KAZN: variants seen among roughly 807,000 people sequenced by gnomAD.
KAZN encodes kazrin, periplakin interacting protein.
KAZN carries 40 observed loss-of-function variants against 87.4 expected under a neutral mutation model. That is an observed-to-expected ratio of 0.46 (90% CI 0.36 to 0.60). The LOEUF (loss-of-function observed/expected upper bound fraction) is 0.60, where lower values mean the gene tolerates loss of function less well. Among genes scored for constraint, KAZN ranks in the 20% least tolerant of loss-of-function variants. The pLI, the probability that KAZN is intolerant of heterozygous loss-of-function variation, is 0.00. For synonymous variants in KAZN, 466 were observed against 458.3 expected (o/e 1.02, Z -0.22); for missense variants, 898 against 1,073.9 (o/e 0.84, Z 2.29).
intron 1 of KAZN, among the ~76,000 whole-genome samples, chr1:14,807,226 A>T (rs576791171): frequency 7.4e-4 from 113 of 152,326 alleles, no homozygotes; most frequent in African/African-American, 2.7e-3. Flanking sequence ...GGCAGAGGAC[A>T]TTAGGTTCTG....
At chr1:14,629,596 T>G (rs1405205760) in intron 1 of KAZN, among the ~76,000 whole-genome samples, 1 of 152,222 alleles carries the variant, frequency 6.6e-6, no homozygotes, top group Non-Finnish European at 1.5e-5. Context: ...CTTCCTCTTC[T>G]GGTCCAAAGA....
intron 4 of KAZN, among the ~76,000 whole-genome samples, chr1:15,044,743 A>AG (rs397958863): frequency 5.3e-5 from 8 of 150,972 alleles, no homozygotes; most frequent in Admixed American, 6.6e-5. Flanking sequence ...AAAAAAAAAA[A>AG]GGAAAGGAAA....
chr1:14,959,554 A>C (rs1663586414), intron 1 of KAZN, among the ~76,000 whole-genome samples: 1 of 152,066 alleles, frequency 6.6e-6, no homozygotes, highest in Non-Finnish European at 1.5e-5. Flanking sequence ...CGGCCCGGTG[A>C]CCAGCATGCG....
intron 2 of KAZN, among the ~76,000 whole-genome samples, chr1:14,537,304 C>T (rs1450811629): frequency 6.6e-6 from 1 of 152,190 alleles, no homozygotes; most frequent in Non-Finnish European, 1.5e-5. Context: ...ATGATGGAAA[C>T]GTTCTACATC....
At chr1:14,974,769 G>A (rs1557676627) in intron 2 of KAZN, among the ~76,000 whole-genome samples, 1 of 152,252 alleles carries the variant, frequency 6.6e-6, no homozygotes, top group South Asian at 2.1e-4. Context: ...TAATCTACAG[G>A]GACAGAAAGC....
chr1:14,004,127 C>T (rs116788907), intron 1 of KAZN, among the ~76,000 whole-genome samples: 1 of 150,306 alleles, frequency 6.7e-6, no homozygotes, highest in Non-Finnish European at 1.5e-5. Context: ...AAATGTCCAA[C>T]GTCATTAGAA....
chr1:13,948,579 T>G (rs1641230823), intron 1 of KAZN, among the ~76,000 whole-genome samples: 1 of 152,132 alleles, frequency 6.6e-6, no homozygotes, highest in Non-Finnish European at 1.5e-5. Flanking sequence ...ACATCTGGTG[T>G]GGGGAAAGGG....
chr1:13,936,973 TG>T (rs1394751909), intron 1 of KAZN, among the ~76,000 whole-genome samples: 1 of 151,936 alleles, frequency 6.6e-6, no homozygotes, highest in Non-Finnish European at 1.5e-5. Context: ...AGCATTTTTA[TG>T]TATGTTTTTT....
intron 1 of KAZN, among the ~76,000 whole-genome samples, chr1:14,845,369 A>G (rs1648610880): frequency 6.9e-6 from 1 of 144,076 alleles, no homozygotes; most frequent in African/African-American, 2.6e-5. Flanking sequence ...GAGTGGATGG[A>G]TGGATGGATG....
chr1:14,021,953 CT>C (rs141959214), intron 1 of KAZN, among the ~76,000 whole-genome samples: 5,808 of 113,968 alleles, frequency 0.051, 92 homozygotes, highest in Non-Finnish European at 0.064. Context: ...AATGAACATG[CT>C]TTTTTTTTTT....
chr1:14,440,212 A>C (rs1223999690), intron 2 of KAZN, among the ~76,000 whole-genome samples: 2 of 152,228 alleles, frequency 1.3e-5, no homozygotes, highest in African/African-American at 4.8e-5. Flanking sequence ...ACTAATGACC[A>C]TGACTTTGAC....
At chr1:14,573,245 T>C (rs1571961249) in intron 2 of KAZN, among the ~76,000 whole-genome samples, 1 of 152,206 alleles carries the variant, frequency 6.6e-6, no homozygotes, top group African/African-American at 2.4e-5. Flanking sequence ...CAATAATGCA[T>C]AGCGCACTCA....
At chr1:13,901,789 A>T (rs1263539961) in intron 1 of KAZN, among the ~76,000 whole-genome samples, 1 of 152,258 alleles carries the variant, frequency 6.6e-6, no homozygotes, top group Non-Finnish European at 1.5e-5. Context: ...GAGTTCTGCC[A>T]CGTGTGAACA....
chr1:14,434,733 A>T lies in KAZN; in HGVS notation c.250-164250A>T, dbSNP rs143777609. ...AGGGTGCAGCTCAGGCATGACAGGA[A>T]CATGTGCTGGGACCCCAGCCCAGGA... On this transcript the variant is annotated intron_variant, in intron 2 of 16. Transcript: ENST00000636203. Among the ~76,000 whole-genome samples the T allele has an allele frequency of 5.5e-3, 843 of 152,046 alleles. 5 individuals carry two copies. The highest frequency in any genetic ancestry group is 9.3e-3 in the Non-Finnish European group (634 of 67,980).
chr1:14,729,531 A>T (rs56983246), intron 1 of KAZN, among the ~76,000 whole-genome samples: 20,605 of 152,120 alleles, frequency 0.14, 1,444 homozygotes, highest in Non-Finnish European at 0.15. Context: ...AATGCAAGGG[A>T]AGAGCAGGGA....
At chr1:14,173,043 C>G (rs1645989640) in intron 1 of KAZN, among the ~76,000 whole-genome samples, 1 of 152,154 alleles carries the variant, frequency 6.6e-6, no homozygotes, top group South Asian at 2.1e-4. Flanking sequence ...TCCCAGGGCA[C>G]CACTTCTGCC....
rs35065469 is a variant in KAZN, at chr1:14,867,724, A to ATTCCC, written c.227-92960_227-92959insTTCCC. On this transcript the variant is annotated intron_variant, in intron 1 of 14. Coordinates refer to ENST00000376030, the MANE Select transcript of KAZN (RefSeq NM_201628.3). The stretch of plus-strand genomic sequence containing the variant: ...TGCTTTACTCGGTGTCTTTGAAGAC[A>ATTCCC]CCCCCCCCCCCACCCTGGGCATGGA... Among the ~76,000 whole-genome samples, 11 of 107,456 alleles carry ATTCCC rather than the reference A, an allele frequency of 1.0e-4. No individual in the cohort carries two copies. In the East Asian group the frequency reaches 2.9e-3, roughly 28 times the overall value. 70.5% of individuals were successfully genotyped at this position (107,456 alleles called of 152,430 possible).
chr1:13,944,029 C>T (rs1024253982), intron 1 of KAZN, among the ~76,000 whole-genome samples: 1 of 152,088 alleles, frequency 6.6e-6, no homozygotes, highest in African/African-American at 2.4e-5. Flanking sequence ...GGCTATCTAC[C>T]CAAGAGGAAT....
At chr1:14,138,872 AC>A (rs2101758340) in intron 1 of KAZN, among the ~76,000 whole-genome samples, 2 of 33,034 alleles carry the variant, frequency 6.1e-5, no homozygotes, top group South Asian at 1.8e-3. Flanking sequence ...CTCTTCCAAC[AC>A]TAAGAATGGA....
Sources: gnomAD v4.1 joint callset for allele counts (sites outside exome capture counted in the v4.1 genomes callset) on GRCh38, gnomAD v4.1.1 for gene constraint, MANE v1.5 for transcripts, NCBI Gene and HGNC (gene_info 2026-07-23, HGNC 2026-07-21) for gene names.